The following C12orf42 variants were observed in gnomAD, a reference collection of about 807,000 sequenced individuals.
C12orf42 encodes the protein uncharacterized protein C12orf42.
C12orf42 carries 25 observed loss-of-function variants against 21.6 expected under a neutral mutation model. The ratio of observed to expected loss-of-function variants is 1.16; its 90% confidence interval spans 0.84 to 1.62. The LOEUF (loss-of-function observed/expected upper bound fraction) is 1.62, where lower values mean the gene tolerates loss of function less well. Ranked by LOEUF, C12orf42 falls within the 40% of genes most tolerant of loss-of-function variation. The pLI is 0.00. For synonymous variants in C12orf42, 174 were observed against 175.0 expected (o/e 0.99, Z 0.05); for missense variants, 483 against 459.3 (o/e 1.05, Z -0.47).
intron 10 of C12orf42, among the ~76,000 whole-genome samples, chr12:103,251,151 TGCTGGCATGAAAG>T (rs539064376): frequency 1.4e-3 from 219 of 152,226 alleles, no homozygotes; most frequent in African/African-American, 5.0e-3. Flanking sequence ...GGGCTGGTCA[TGCTGGCATGAAAG>T]GCTGGCACCA....
intron 2 of C12orf42, among the ~76,000 whole-genome samples, chr12:103,472,276 G>A (rs567881589): frequency 4.8e-4 from 73 of 151,616 alleles, no homozygotes; most frequent in Non-Finnish European, 9.9e-4. Flanking sequence ...GGATGGTCTC[G>A]ATCTCCTGAC....
At chr12:103,492,172 G>T (rs916982235) in intron 1 of C12orf42, among the ~76,000 whole-genome samples, 53 of 152,282 alleles carry the variant, frequency 3.5e-4, no homozygotes, top group African/African-American at 1.2e-3. Context: ...TAGCCAGGCT[G>T]GTCTTGAACT....
chr12:103,550,674 G>C, the C12orf42 span: 1 of 152,028 alleles, frequency 6.6e-6, no homozygotes, highest in African/African-American at 2.4e-5. Flanking sequence ...TTTTATAGTT[G>C]AAAAATTATC....
intron 2 of C12orf42, among the ~76,000 whole-genome samples, chr12:103,456,515 C>G (rs1382337430): frequency 6.6e-6 from 1 of 152,102 alleles, no homozygotes; most frequent in Non-Finnish European, 1.5e-5. Context: ...CTTTAGTGTG[C>G]TAGAATTGCC....
In C12orf42 at chr12:103,286,253, AAAATAAATAAAT is replaced by A. The variant is rs200130397; in HGVS notation, n.338-9055_338-9044del. Among the ~76,000 whole-genome samples the A allele has an allele frequency of 2.9e-3, 422 of 145,998 alleles. 1 individual carries two copies. Among genetic ancestry groups the A allele is most frequent in the African/African-American group, 8.4e-3 (328 of 39,034 alleles). ...GTGACAGAGCAAGACTCCATCTCAA[AAAATAAATAAAT>A]AAATAAATAAATAAATAAATAAATA... On this transcript the variant is annotated intron_variant and non_coding_transcript_variant, in intron 4 of 6. Transcript: ENST00000546526.
intron 2 of C12orf42, among the ~76,000 whole-genome samples, chr12:103,435,130 A>T (rs1434048144): frequency 6.6e-6 from 1 of 152,154 alleles, no homozygotes; most frequent in African/African-American, 2.4e-5. Flanking sequence ...GGCACCCCCC[A>T]GCAGAGGCAC....
chr12:103,156,713 AG>A, the C12orf42 span, among the ~76,000 whole-genome samples: 1 of 152,064 alleles, frequency 6.6e-6, no homozygotes, highest in Non-Finnish European at 1.5e-5. Context: ...CTTATGAGTG[AG>A]AATATGCGGT....
intron 10 of C12orf42, among the ~76,000 whole-genome samples, chr12:103,260,688 A>C (rs1403447187): frequency 6.6e-6 from 1 of 152,234 alleles, no homozygotes; most frequent in Non-Finnish European, 1.5e-5. Flanking sequence ...AATGTGGCCA[A>C]AAAGATCTTC....
intron 10 of C12orf42, among the ~76,000 whole-genome samples, chr12:103,246,241 T>C (rs966519370): frequency 2.0e-5 from 3 of 152,070 alleles, no homozygotes; most frequent in Non-Finnish European, 4.4e-5. Context: ...TCTCTTTAAA[T>C]AGTTGAAGCA....
chr12:103,132,041 G>C, the C12orf42 span, among the ~76,000 whole-genome samples: 1 of 152,120 alleles, frequency 6.6e-6, no homozygotes, highest in East Asian at 1.9e-4. Flanking sequence ...AGCTAAATAT[G>C]AGTTAGACGT....
chr12:103,185,172 T>G, the C12orf42 span, among the ~76,000 whole-genome samples: 1 of 152,170 alleles, frequency 6.6e-6, no homozygotes, highest in Non-Finnish European at 1.5e-5. Context: ...GGTTTTCTAT[T>G]GTAGACATTT....
intron 2 of C12orf42, among the ~76,000 whole-genome samples, chr12:103,471,544 C>T (rs1221470856): frequency 6.6e-6 from 1 of 152,300 alleles, no homozygotes; most frequent in East Asian, 1.9e-4. Context: ...TGAGGTAAGT[C>T]ATATTAACAT....
chr12:103,505,687 G>T, the C12orf42 span: 1 of 226,220 alleles, frequency 4.4e-6, no homozygotes, highest in Non-Finnish European at 8.6e-6. Context: ...AGGGCTCAAG[G>T]CTGTAGATGG....
At chr12:103,350,808 G>C (rs1477779211) in intron 4 of C12orf42, among the ~76,000 whole-genome samples, 2 of 152,074 alleles carry the variant, frequency 1.3e-5, no homozygotes, top group Non-Finnish European at 2.9e-5. Context: ...GTATTGTTCA[G>C]ATTAGGTAAA....
At chr12:103,381,994 C>G (rs2046224531) in intron 3 of C12orf42, among the ~76,000 whole-genome samples, 1 of 152,080 alleles carries the variant, frequency 6.6e-6, no homozygotes, top group South Asian at 2.1e-4. Context: ...ATAGTCTCTA[C>G]TTGATTGGAT....
the C12orf42 span, among the ~76,000 whole-genome samples, chr12:103,149,842 C>T: frequency 6.6e-6 from 1 of 152,170 alleles, no homozygotes; most frequent in Non-Finnish European, 1.5e-5. Context: ...AGGATTAATA[C>T]ACCTAGTCAT....
the C12orf42 span, among the ~76,000 whole-genome samples, chr12:103,117,222 T>C: frequency 0.017 from 2,629 of 152,348 alleles, 39 homozygotes; most frequent in African/African-American, 0.043. Context: ...CCTTTCCAGC[T>C]TCTAGTGTCC....
chr12:103,379,226 C>G (rs969538557), intron 3 of C12orf42, among the ~76,000 whole-genome samples: 1 of 152,202 alleles, frequency 6.6e-6, no homozygotes, highest in African/African-American at 2.4e-5. Flanking sequence ...CCAATGGGAA[C>G]AGGCATCCTC....
At chr12:103,288,678 G>T (rs951016823) in intron 4 of C12orf42, among the ~76,000 whole-genome samples, 1 of 152,036 alleles carries the variant, frequency 6.6e-6, no homozygotes, top group African/African-American at 2.4e-5. Context: ...AAAAGATTTT[G>T]CCCTTCATTC....
Sources: allele counts gnomAD v4.1 joint callset (sites outside exome capture counted in the v4.1 genomes callset), GRCh38; gene constraint gnomAD v4.1.1; transcripts MANE v1.5; gene names NCBI Gene and HGNC (gene_info 2026-07-23, HGNC 2026-07-21).